KLHL4: variants seen among roughly 807,000 people sequenced by gnomAD.
KLHL4 encodes the protein kelch like family member 4, also known as kelch-like protein 4.
KLHL4 carries 17 observed loss-of-function variants against 45.8 expected under a neutral mutation model. The observed-to-expected ratio is 0.37, with a 90% CI of 0.25 to 0.56. KLHL4 has a LOEUF of 0.56. Ranked by LOEUF, KLHL4 falls within the 20% of genes least tolerant of loss-of-function variation. KLHL4 has a pLI of 0.79. For missense variants in KLHL4, 544 were observed against 544.9 expected, an observed-to-expected ratio of 1.00 and a Z score of 0.02; for synonymous variants, 224 against 189.9, an observed-to-expected ratio of 1.18 and a Z score of -1.47.
intron 9 of KLHL4, among the ~76,000 whole-genome samples, chrX:87,657,391 A>T (rs1329500587): frequency 8.9e-6 from 1 of 111,877 alleles, no homozygotes; most frequent in Admixed American, 9.5e-5. Context: ...ACTAACCCTG[A>T]CAGAGATGGT....
In KLHL4 at chrX:87,544,271, G is replaced by A. The variant is rs191776391; in HGVS notation, c.422+25956G>A. ...GGGAGGGAAGAGTGGGAAGAGCTGC[G>A]TCTTGTGTTTTGAGTGCCAGTTCAG... On this transcript the variant is annotated intron_variant, in intron 1 of 10. Transcript: ENST00000373119. Among the ~76,000 whole-genome samples, 484 of 111,395 alleles carry A rather than the reference G, an allele frequency of 4.3e-3. 1 individual carries two copies. Among genetic ancestry groups the A allele is most frequent in the African/African-American group, 0.014 (439 of 30,633 alleles).
intron 1 of KLHL4, among the ~76,000 whole-genome samples, chrX:87,557,192 T>G (rs762189202): frequency 8.9e-6 from 1 of 112,343 alleles, no homozygotes; most frequent in Non-Finnish European, 1.9e-5. Context: ...TCAAGATCTA[T>G]GATTGATTTA....
At position 87,668,659 on chromosome X, in the gene KLHL4, A is replaced by G. The variant is rs1476839089; in HGVS notation, c.*2125A>G. ...AATGGATTAATCCATTCATGGATTA[A>G]TGGATTATTATGAGTGGGGGACTGG... On this transcript the variant is annotated 3_prime_UTR_variant, in exon 11 of 11. Transcript: ENST00000373119. The G allele has an allele frequency of 1.4e-5, 2 of 142,629 alleles. No individual in the cohort carries two copies. The highest frequency in any genetic ancestry group is 2.4e-5 in the Non-Finnish European group (2 of 82,568). The allele number at this position is 142,629 out of a possible 1,213,427, so 11.8% of individuals were successfully genotyped here. A position where few individuals can be genotyped will look rare whatever the true frequency, so the allele number is the denominator to read the frequency against.
chrX:87,625,711 A>T lies in KLHL4; in HGVS notation c.1239A>T (p.Arg413Ser). 1 of 1,209,921 alleles carries T rather than the reference A, an allele frequency of 8.3e-7. No individual in the cohort carries two copies. Among genetic ancestry groups the T allele is most frequent in the South Asian group, 1.8e-5 (1 of 56,862 alleles). ...AGTATCATCTTTTGCCTGAGAGAAG[A>T]TCCATGATGCAAAGCCCTCGGACAA... ...AMKYHLLPER[R>S]SMMQSPRTKP... is the part of the protein sequence containing the mutation. Residue 413 changes from arginine (R) to serine (S), a missense_variant, in exon 6 of 11, where the codon AGA becomes AGT. Coordinates refer to ENST00000373119, the MANE Select transcript of KLHL4 (RefSeq NM_019117.5).
intron 1 of KLHL4, among the ~76,000 whole-genome samples, chrX:87,567,302 A>T: frequency 8.9e-6 from 1 of 111,820 alleles, no homozygotes; most frequent in Non-Finnish European, 1.9e-5. Context: ...CAAATAAAAA[A>T]AAGAAAGTGA....
At position 87,518,050 on chromosome X, in the gene KLHL4, AAG is replaced by A; in HGVS notation, c.160_161del (p.Ser54ProfsTer41). The A allele has an allele frequency of 8.3e-7, 1 of 1,211,807 alleles. No individual in the cohort carries two copies. The highest frequency in any genetic ancestry group is 1.1e-6 in the Non-Finnish European group (1 of 895,585). ...AGGGACCCCGGTTCAGGGCAGGTTGAAGAGCCACTCTCGGGACAGAAACGGAC... is the reference window on the plus strand; with the variant it reads ...AGGGACCCCGGTTCAGGGCAGGTTGAAGCCACTCTCGGGACAGAAACGGAC... Reference protein sequence around the residue: ...HRGTPVQGRLKSHSRDRNGLK... With the variant: ...HRGTPVQGRLXSHSRDRNGLK... On this transcript the variant is annotated frameshift_variant, in exon 1 of 11. Transcript: ENST00000373119. LOFTEE classifies it high-confidence loss of function.
chrX:87,533,645 G>A (rs992235100), intron 1 of KLHL4, among the ~76,000 whole-genome samples: 1 of 108,529 alleles, frequency 9.2e-6, no homozygotes, highest in African/African-American at 3.4e-5. Context: ...CATGGCACAT[G>A]TATACATATG....
intron 1 of KLHL4, among the ~76,000 whole-genome samples, chrX:87,591,378 G>GT (rs776604731): frequency 6.1e-4 from 68 of 111,981 alleles, no homozygotes; most frequent in Non-Finnish European, 1.1e-3. Flanking sequence ...TACAAGTACA[G>GT]TTTTTTTAAC....
chrX:87,522,248 T>A (rs1460964365), intron 1 of KLHL4, among the ~76,000 whole-genome samples: 1 of 111,574 alleles, frequency 9.0e-6, no homozygotes, highest in Non-Finnish European at 1.9e-5. Flanking sequence ...GGACCTGAGA[T>A]GGGAGTGTGG....
intron 1 of KLHL4, among the ~76,000 whole-genome samples, chrX:87,604,626 T>A (rs1333103718): frequency 9.0e-6 from 1 of 111,232 alleles, no homozygotes; most frequent in Non-Finnish European, 1.9e-5. Context: ...TTATTTGGTT[T>A]ATGGTGAGTT....
Position 87,518,099 on chromosome X carries a change from T to A in KLHL4, c.206T>A (p.Val69Asp). Residue 69 changes from valine to aspartate, a missense_variant, in exon 1 of 11, where the codon GTC (valine) becomes GAC (aspartate). Transcript: ENST00000373119. Reference sequence around the variant, plus strand: ...GGACTGAAGAAAAGCAACAGTCCTGTCCACCACAATATACTGGCACCAGTG... The same window carrying A: ...GGACTGAAGAAAAGCAACAGTCCTGACCACCACAATATACTGGCACCAGTG... ...RNGLKKSNSP[V>D]HHNILAPVPG... 8.3e-7 allele frequency: 1 copy of A among 1,211,592 alleles called. No homozygotes were observed. The highest frequency in any genetic ancestry group is 1.8e-5 in the South Asian group (1 of 56,988).
At chrX:87,601,477 T>C (rs970868740) in intron 1 of KLHL4, among the ~76,000 whole-genome samples, 1 of 111,790 alleles carries the variant, frequency 8.9e-6, no homozygotes, top group African/African-American at 3.3e-5. Flanking sequence ...GGACTGTTCC[T>C]AGAGGAAGGT....
At chrX:87,589,756 A>G (rs910161615) in intron 1 of KLHL4, among the ~76,000 whole-genome samples, 2 of 111,290 alleles carry the variant, frequency 1.8e-5, no homozygotes, top group East Asian at 5.7e-4. Flanking sequence ...TTTGCTGGGC[A>G]TGGTGGCTCA....
intron 1 of KLHL4, among the ~76,000 whole-genome samples, chrX:87,551,476 C>A (rs1386745602): frequency 9.0e-6 from 1 of 111,125 alleles, no homozygotes; most frequent in Non-Finnish European, 1.9e-5. Context: ...TACCATCATT[C>A]TTTACAGAAT....
At chrX:87,621,471 A>T (rs980406459) in intron 4 of KLHL4, among the ~76,000 whole-genome samples, 9 of 107,690 alleles carry the variant, frequency 8.4e-5, no homozygotes, top group African/African-American at 3.1e-4. Context: ...AAGAATTGAG[A>T]TATAATATAT....
intron 1 of KLHL4, among the ~76,000 whole-genome samples, chrX:87,550,741 T>A (rs1330084663): frequency 1.8e-5 from 2 of 111,223 alleles, no homozygotes; most frequent in East Asian, 5.7e-4. Context: ...ATAAAAAGAA[T>A]TAAAAACAAA....
At chrX:87,601,150 G>C (rs1049247983) in intron 1 of KLHL4, among the ~76,000 whole-genome samples, 7 of 111,999 alleles carry the variant, frequency 6.3e-5, no homozygotes, top group African/African-American at 2.3e-4. Context: ...ATATAAGGCA[G>C]AGAGAGAGAC....
chrX:87,526,878 T>A (rs1430675288), intron 1 of KLHL4, among the ~76,000 whole-genome samples: 1 of 111,588 alleles, frequency 9.0e-6, no homozygotes, highest in African/African-American at 3.3e-5. Flanking sequence ...AGCGTATTAA[T>A]CCTCAAGAAA....
Position 87,578,623 on chromosome X carries a change from A to G in KLHL4, c.423-35254A>G, listed in dbSNP as rs182398142. ...TGAATAAGAAAAGCAATATTAATTT[A>G]TCTGCATTAGCCCCTTCTTAAGCCA... On this transcript the variant is annotated intron_variant, in intron 1 of 10. Transcript: ENST00000373119. Among the ~76,000 whole-genome samples, 10 of 112,677 alleles carry G rather than the reference A, an allele frequency of 8.9e-5. No individual in the cohort carries two copies. In the East Asian group the frequency reaches 2.8e-3, roughly 32 times the overall value.
Sources: allele counts gnomAD v4.1 joint callset (sites outside exome capture counted in the v4.1 genomes callset), GRCh38; gene constraint gnomAD v4.1.1; transcripts MANE v1.5; gene names NCBI Gene and HGNC (gene_info 2026-07-23, HGNC 2026-07-21).